CNGB3: variants seen among roughly 807,000 people sequenced by gnomAD.
CNGB3 encodes the protein cyclic nucleotide gated channel subunit beta 3.
A neutral mutation model predicts 92.8 loss-of-function variants in CNGB3; 86 were observed. The ratio of observed to expected loss-of-function variants is 0.93; its 90% CI spans 0.78 to 1.11. The LOEUF is 1.11. Ranked by LOEUF, CNGB3 falls within the 50% of genes least tolerant of loss-of-function variation. The probability of loss-of-function intolerance (pLI) is 0.00; values close to 1 mark genes in which losing one functional copy is unlikely to be tolerated. For missense variants in CNGB3, 1,026 were observed against 956.8 expected, an observed-to-expected ratio of 1.07 and a Z score of -0.95; for synonymous variants, 333 against 332.7, an observed-to-expected ratio of 1.00 and a Z score of -0.01.
intron 3 of CNGB3, among the ~76,000 whole-genome samples, chr8:86,714,081 G>A (rs1376098970): frequency 2.0e-5 from 3 of 152,078 alleles, no homozygotes; most frequent in African/African-American, 7.2e-5. Flanking sequence ...AACATTCTAT[G>A]AGTTAGGACA....
In CNGB3 at chr8:86,693,419, T is replaced by TTTA. The variant is rs138406725; in HGVS notation, c.339-22322_339-22321insTAA. On this transcript the variant is annotated intron_variant, in intron 3 of 17. Coordinates refer to ENST00000320005, the MANE Select transcript of CNGB3 (RefSeq NM_019098.5). Reference sequence around the variant, plus strand: ...TTTATTGGAAACTTTGTTCATTTTTTTTTATTATTATTATTATTTATTTAT... The same window carrying TTTA: ...TTTATTGGAAACTTTGTTCATTTTTTTTATTTATTATTATTATTATTTATTTAT... 8.8e-3 allele frequency among the ~76,000 whole-genome samples: 1,157 copies of TTTA among 131,688 alleles called. 8 individuals carry two copies. Among genetic ancestry groups the TTTA allele is most frequent in the Non-Finnish European group, 0.01 (612 of 59,774 alleles). The allele number at this position is 131,688 out of a possible 152,430, so 86.4% of individuals were successfully genotyped here.
chr8:86,686,504 A>G (rs529073962), intron 3 of CNGB3, among the ~76,000 whole-genome samples: 1 of 152,284 alleles, frequency 6.6e-6, no homozygotes, highest in Non-Finnish European at 1.5e-5. Context: ...TTACATCCTT[A>G]AAGTATTGCA....
At chr8:86,705,813 G>T (rs1824642142) in intron 3 of CNGB3, among the ~76,000 whole-genome samples, 2 of 152,184 alleles carry the variant, frequency 1.3e-5, no homozygotes, top group Non-Finnish European at 2.9e-5. Flanking sequence ...ATTTGTATTT[G>T]CACCAATGCA....
chr8:86,599,236 C>T (rs983513414), intron 15 of CNGB3, among the ~76,000 whole-genome samples: 4 of 152,236 alleles, frequency 2.6e-5, no homozygotes, highest in African/African-American at 4.8e-5. Flanking sequence ...ACACTTATCA[C>T]TTCCCCAATC....
At chr8:86,729,164 G>C (rs1217842072) in intron 2 of CNGB3, among the ~76,000 whole-genome samples, 2 of 152,206 alleles carry the variant, frequency 1.3e-5, no homozygotes, top group Non-Finnish European at 1.5e-5. Flanking sequence ...GCCTGTCAAA[G>C]TGCTGGGATT....
At chr8:86,700,019 G>A (rs1428846701) in intron 3 of CNGB3, among the ~76,000 whole-genome samples, 1 of 151,708 alleles carries the variant, frequency 6.6e-6, no homozygotes, top group Non-Finnish European at 1.5e-5. Context: ...ACAAAATTTT[G>A]TTTAACATGT....
intron 13 of CNGB3, among the ~76,000 whole-genome samples, chr8:86,614,385 G>C (rs1388984472): frequency 2.0e-5 from 3 of 152,084 alleles, no homozygotes; most frequent in African/African-American, 7.2e-5. Context: ...CAACCTGTTA[G>C]AACTTCCCCT....
intron 2 of CNGB3, among the ~76,000 whole-genome samples, chr8:86,737,870 C>T (rs1343231602): frequency 6.6e-6 from 1 of 152,148 alleles, no homozygotes; most frequent in Non-Finnish European, 1.5e-5. Context: ...GGATAGTGGC[C>T]TCAGTACTTC....
Position 86,626,097 on chromosome 8 carries a change from A to G in CNGB3, c.1481-17T>C, listed in dbSNP as rs748570215. ...CAGACTCATCTTTATAAAGATAAAC[A>G]CATCAAACCCCGATGCAGAATAATT... On this transcript the variant is annotated splice_polypyrimidine_tract_variant and intron_variant, in intron 12 of 17. Transcript: ENST00000320005. 6.4e-7 allele frequency: 1 copy of G among 1,560,306 alleles called. No homozygotes were observed. The highest frequency in any genetic ancestry group is 8.8e-7 in the Non-Finnish European group (1 of 1,131,764).
intron 10 of CNGB3, among the ~76,000 whole-genome samples, chr8:86,641,740 T>G (rs1331667972): frequency 6.6e-6 from 1 of 151,962 alleles, no homozygotes; most frequent in African/African-American, 2.4e-5. Flanking sequence ...TACATATGTT[T>G]GTGTTTTAGC....
chr8:86,736,966 T>A lies in CNGB3; in HGVS notation c.211+2689A>T, dbSNP rs1170089023. Among the ~76,000 whole-genome samples the A allele has an allele frequency of 2.0e-5, 3 of 152,186 alleles. No homozygotes were observed. The South Asian group carries it at 6.2e-4, about 32-fold the overall frequency. On this transcript the variant is annotated intron_variant, in intron 2 of 17. Transcript: ENST00000320005. ...TAGTCATGAGTTAGGAAGTATTATA[T>A]TGCATTCACGTTGAAAAATATATTG...
chr8:86,583,955 C>T (rs951132906), intron 15 of CNGB3, among the ~76,000 whole-genome samples: 1 of 149,796 alleles, frequency 6.7e-6, no homozygotes, highest in South Asian at 2.1e-4. Flanking sequence ...AGGAATTCCT[C>T]CTCTAAGGCA....
chr8:86,655,044 C>G (rs1186040699), intron 6 of CNGB3, among the ~76,000 whole-genome samples: 1 of 152,164 alleles, frequency 6.6e-6, no homozygotes. Flanking sequence ...CTCCTTGAGC[C>G]AAACTGCTGC....
rs935466553 is a variant in CNGB3, at chr8:86,592,295, C to T, written c.1781+11798G>A. 1.7e-4 allele frequency among the ~76,000 whole-genome samples: 26 copies of T among 152,174 alleles called. 1 individual carries two copies. The highest frequency in any genetic ancestry group is 1.0e-3 in the South Asian group (5 of 4,834). On this transcript the variant is annotated intron_variant, in intron 15 of 17. Transcript: ENST00000320005. Reference sequence around the variant, plus strand: ...CTCAGATGGAAATGCAGAAATCACCCGTCTTCTGCGTCGCTCAGGCTGGGA... The same window carrying T: ...CTCAGATGGAAATGCAGAAATCACCTGTCTTCTGCGTCGCTCAGGCTGGGA...
intron 15 of CNGB3, among the ~76,000 whole-genome samples, chr8:86,599,376 A>G (rs950669030): frequency 1.3e-5 from 2 of 152,286 alleles, no homozygotes; most frequent in South Asian, 4.2e-4. Context: ...ATTGTTGTAG[A>G]GCTTGTGTGT....
intron 4 of CNGB3, among the ~76,000 whole-genome samples, chr8:86,669,426 G>A (rs1357364454): frequency 6.6e-6 from 1 of 152,126 alleles, no homozygotes; most frequent in Non-Finnish European, 1.5e-5. Flanking sequence ...TGTCACAAAG[G>A]TGTTACAAAT....
At chr8:86,634,408 T>G (rs913283234) in intron 10 of CNGB3, among the ~76,000 whole-genome samples, 1 of 152,112 alleles carries the variant, frequency 6.6e-6, no homozygotes, top group Non-Finnish European at 1.5e-5. Context: ...TTAACTGCAT[T>G]TTTGGCTTGC....
chr8:86,706,116 T>TC (rs1824647277), intron 3 of CNGB3, among the ~76,000 whole-genome samples: 1 of 152,016 alleles, frequency 6.6e-6, no homozygotes, highest in Non-Finnish European at 1.5e-5. Context: ...TAGTTTATAT[T>TC]CTTTAGTGAA....
At chr8:86,613,746 A>G (rs1172649117) in intron 13 of CNGB3, among the ~76,000 whole-genome samples, 1 of 151,708 alleles carries the variant, frequency 6.6e-6, no homozygotes, top group Non-Finnish European at 1.5e-5. Flanking sequence ...TGAAATTTTT[A>G]TTCCTTGAAC....
Sources: gnomAD v4.1 joint callset for allele counts (sites outside exome capture counted in the v4.1 genomes callset) on GRCh38, gnomAD v4.1.1 for gene constraint, MANE v1.5 for transcripts, NCBI Gene and HGNC (gene_info 2026-07-23, HGNC 2026-07-21) for gene names.